The following ARSK variants were observed in gnomAD, a reference collection of about 807,000 sequenced individuals.
The protein encoded by ARSK is arylsulfatase K.
A neutral mutation model predicts 53.2 loss-of-function variants in ARSK; 37 were observed. That is an observed-to-expected ratio of 0.70 (90% CI 0.54 to 0.92). The LOEUF is 0.92. Among genes scored for constraint, ARSK ranks in the 40% least tolerant of loss-of-function variants. The pLI, the probability that ARSK is intolerant of heterozygous loss-of-function variation, is 0.00. For missense variants in ARSK, 613 were observed against 643.0 expected, an observed-to-expected ratio of 0.95 and a Z score of 0.51; for synonymous variants, 208 against 223.2, an observed-to-expected ratio of 0.93 and a Z score of 0.61.
rs1057267752 is a variant in ARSK, at chr5:95,604,880, T to C, written c.*1354T>C. 5.9e-5 allele frequency: 9 copies of C among 152,216 alleles called. No individual in the cohort carries two copies. Among genetic ancestry groups the C allele is most frequent in the African/African-American group, 2.2e-4 (9 of 41,460 alleles). 9.4% of individuals were successfully genotyped at this position (152,216 alleles called of 1,614,324 possible). The stretch of plus-strand genomic sequence containing the variant: ...TACAGGTGTGCTTTAGATATTAGCT[T>C]TTTGTAAGAGATCCTGCAAATATCT... On this transcript the variant is annotated 3_prime_UTR_variant, in exon 8 of 8. Transcript: ENST00000380009.
Position 95,586,738 on chromosome 5 carries a change from G to C in ARSK, c.871+5G>C. 1 of 1,573,460 alleles carries C rather than the reference G, an allele frequency of 6.4e-7. No homozygotes were observed. Among genetic ancestry groups the C allele is most frequent in the Non-Finnish European group, 8.6e-7 (1 of 1,163,228 alleles). On this transcript the variant is annotated splice_donor_5th_base_variant and intron_variant, in intron 5 of 7. Transcript: ENST00000380009. ...CTGAGACAGATGCCATGCTTGGTAG[G>C]TGGTATAATTAATAAGCAATTACAT...
At chr5:95,572,564 G>T (rs10070711) in intron 3 of ARSK, among the ~76,000 whole-genome samples, 40,229 of 152,108 alleles carry the variant, frequency 0.26, 7,651 homozygotes, top group African/African-American at 0.54. Context: ...AGATCACGAG[G>T]TCAGGAGATT....
chr5:95,566,035 T>C lies in ARSK; in HGVS notation c.164T>C (p.Val55Ala), dbSNP rs780254908. ...RLTFHPGSQV[V>A]KLPFINFMKT... ...ACATTTCATCCAGGAAGTCAGGTAG[T>C]GAAACTTCCTTTTATCAACTTTATG... The change falls in exon 2 of 8, where the codon GTG becomes GCG. Residue 55 changes from valine (V) to alanine (A), a missense_variant. Transcript: ENST00000380009. 3.1e-6 allele frequency: 5 copies of C among 1,612,966 alleles called. No homozygotes were observed. In the South Asian group the frequency reaches 5.5e-5, roughly 18 times the overall value.
intron 6 of ARSK, 117 bp downstream of exon 6, chr5:95,591,742 C>T: frequency 1.1e-6 from 1 of 878,022 alleles, no homozygotes; most frequent in South Asian, 1.5e-5. Context: ...TTGTTTATAA[C>T]CCTGAGCAAC....
chr5:95,575,062 G>A (rs1318485335), intron 3 of ARSK, among the ~76,000 whole-genome samples: 1 of 152,062 alleles, frequency 6.6e-6, no homozygotes, highest in Non-Finnish European at 1.5e-5. Context: ...TTCTGCGTAT[G>A]GATATCCAGT....
At position 95,567,962 on chromosome 5, in the gene ARSK, C is replaced by A; in HGVS notation, c.329C>A (p.Thr110Lys). Reference sequence around the variant, plus strand: ...TTTAAGGGTCTAGATCCAAATTATACAACATGGATGGATGTCATGGAGAGG... The same window carrying A: ...TTTAAGGGTCTAGATCCAAATTATAAAACATGGATGGATGTCATGGAGAGG... ...NNFKGLDPNY[T>K]TWMDVMERHG... Residue 110 changes from threonine (T) to lysine (K), a missense_variant, in exon 3 of 8, where the codon ACA becomes AAA. Coordinates refer to ENST00000380009, the MANE Select transcript of ARSK (RefSeq NM_198150.3). 6.2e-7 allele frequency: 1 copy of A among 1,612,804 alleles called. No individual in the cohort carries two copies. Among genetic ancestry groups the A allele is most frequent in the Non-Finnish European group, 8.5e-7 (1 of 1,179,590 alleles).
At chr5:95,569,350 A>C (rs1172945031) in intron 3 of ARSK, among the ~76,000 whole-genome samples, 4 of 152,206 alleles carry the variant, frequency 2.6e-5, no homozygotes, top group African/African-American at 9.6e-5. Context: ...TGAGTTGAAT[A>C]ATGTTCCCCC....
chr5:95,586,366 T>A (rs1390575651), intron 4 of ARSK, among the ~76,000 whole-genome samples, 196 bp from the exon 5 acceptor site: 1 of 152,226 alleles, frequency 6.6e-6, no homozygotes, highest in African/African-American at 2.4e-5. Flanking sequence ...CATATTGATA[T>A]ATACCTTTTG....
intron 5 of ARSK, among the ~76,000 whole-genome samples, chr5:95,590,837 T>A (rs963894780): frequency 1.3e-5 from 2 of 152,206 alleles, no homozygotes; most frequent in African/African-American, 4.8e-5. Context: ...TAAATCAAAC[T>A]TGTACACTAT....
At chr5:95,596,431 A>C (rs1280051789) in intron 6 of ARSK, among the ~76,000 whole-genome samples, 1 of 152,176 alleles carries the variant, frequency 6.6e-6, no homozygotes, top group Non-Finnish European at 1.5e-5. Context: ...GGAGAGGCTT[A>C]TAAAGAAAAA....
At chr5:95,575,025 G>A (rs532048018) in intron 3 of ARSK, among the ~76,000 whole-genome samples, 12 of 152,234 alleles carry the variant, frequency 7.9e-5, no homozygotes, top group African/African-American at 2.4e-4. Context: ...TTTTAATGTG[G>A]TAAGAGATAG....
intron 1 of ARSK, among the ~76,000 whole-genome samples, chr5:95,563,157 A>C (rs566623508): frequency 6.6e-6 from 1 of 152,334 alleles, no homozygotes; most frequent in South Asian, 2.1e-4. Context: ...AACTTCTAGA[A>C]AATTTTTAAA....
At chr5:95,600,253 T>C (rs1437321852) in intron 6 of ARSK, among the ~76,000 whole-genome samples, 1 of 152,204 alleles carries the variant, frequency 6.6e-6, no homozygotes, top group Non-Finnish European at 1.5e-5. Flanking sequence ...AGCTCTGTTA[T>C]CACATAACTT....
At chr5:95,574,147 T>C (rs1222121590) in intron 3 of ARSK, among the ~76,000 whole-genome samples, 1 of 152,200 alleles carries the variant, frequency 6.6e-6, no homozygotes, top group Non-Finnish European at 1.5e-5. Flanking sequence ...TGACCTCCAG[T>C]TCCATCCATG....
intron 5 of ARSK, among the ~76,000 whole-genome samples, chr5:95,590,064 A>G (rs372301025): frequency 3.9e-5 from 6 of 152,244 alleles, no homozygotes; most frequent in African/African-American, 1.4e-4. Flanking sequence ...AAGAATTACA[A>G]TGTGTTGTTG....
chr5:95,571,486 TA>T (rs1359725207), intron 3 of ARSK, among the ~76,000 whole-genome samples: 1 of 152,246 alleles, frequency 6.6e-6, no homozygotes, highest in African/African-American at 2.4e-5. Context: ...CACAGGATCA[TA>T]TCACTTGTTC....
intron 5 of ARSK, among the ~76,000 whole-genome samples, chr5:95,588,087 A>G (rs1390562573): frequency 1.3e-5 from 2 of 152,182 alleles, no homozygotes; most frequent in East Asian, 3.8e-4. Context: ...TTGAAAGTTT[A>G]TAGCCATTCA....
Position 95,603,501 on chromosome 5 carries a change from C to T in ARSK, c.1586C>T (p.Thr529Ile), listed in dbSNP as rs1376694419. The T allele has an allele frequency of 1.9e-6, 3 of 1,606,170 alleles. No homozygotes were observed. The highest frequency in any genetic ancestry group is 1.7e-5 in the Admixed American group (1 of 58,182). The change falls in exon 8 of 8, where the codon ACC becomes ATC. Residue 529 changes from threonine to isoleucine, a missense_variant. Thr to Ile is a moderately conservative substitution (Grantham distance 89). Coordinates refer to ENST00000380009, the MANE Select transcript of ARSK (RefSeq NM_198150.3). ...AATGCAATTGATCAGTGGCTTAAAA[C>T]CCATATGAATCCAAGAGCAGTTTGA... ...YENAIDQWLK[T>I]HMNPRAV
Position 95,604,821 on chromosome 5 carries a change from A to G in ARSK, c.*1295A>G, listed in dbSNP as rs1332174788. 6.6e-6 allele frequency: 1 copy of G among 151,600 alleles called. No individual in the cohort carries two copies. Among genetic ancestry groups the G allele is most frequent in the Non-Finnish European group, 1.5e-5 (1 of 67,902 alleles). 9.4% of individuals were successfully genotyped at this position (151,600 alleles called of 1,614,324 possible). The stretch of plus-strand genomic sequence containing the variant: ...CCTTTCCTATTTCTATTCTTTGCCT[A>G]TTTTTCTGTTGGTTGTTGGTCTTTG... On this transcript the variant is annotated 3_prime_UTR_variant, in exon 8 of 8. Transcript: ENST00000380009.
Sources: allele counts gnomAD v4.1 joint callset (sites outside exome capture counted in the v4.1 genomes callset), GRCh38; gene constraint gnomAD v4.1.1; transcripts MANE v1.5; gene names NCBI Gene and HGNC (gene_info 2026-07-23, HGNC 2026-07-21).